Variants in SLCO3A1 observed in about 807,000 individuals in gnomAD.
The protein encoded by SLCO3A1 is solute carrier organic anion transporter family member 3A1, also known as PGE1 transporter.
In SLCO3A1, 27 loss-of-function variants were observed where a neutral mutation model predicts 63.1. The ratio of observed to expected loss-of-function variants is 0.43; its 90% confidence interval spans 0.32 to 0.59. The LOEUF is 0.59. Ranked by LOEUF, SLCO3A1 falls within the 20% of genes least tolerant of loss-of-function variation. The probability of loss-of-function intolerance (pLI) is 0.09; values close to 1 mark genes in which losing one functional copy is unlikely to be tolerated. For synonymous variants in SLCO3A1, 473 were observed against 409.9 expected, an observed-to-expected ratio of 1.15 and a Z score of -1.86; for missense variants, 773 against 945.8, an observed-to-expected ratio of 0.82 and a Z score of 2.40.
At chr15:92,069,825 G>A (rs905532083) in intron 2 of SLCO3A1, among the ~76,000 whole-genome samples, 3 of 152,202 alleles carry the variant, frequency 2.0e-5, no homozygotes, top group Non-Finnish European at 2.9e-5. Flanking sequence ...CTGTGGCTGA[G>A]AACCCACCCA....
intron 2 of SLCO3A1, among the ~76,000 whole-genome samples, chr15:92,025,730 ACT>A (rs1362229064): frequency 1.3e-5 from 2 of 151,950 alleles, no homozygotes; most frequent in Non-Finnish European, 2.9e-5. Context: ...ATGATCTGGG[ACT>A]CTCTTCTCAG....
At chr15:92,065,593 T>C (rs2047141089) in intron 2 of SLCO3A1, among the ~76,000 whole-genome samples, 1 of 152,106 alleles carries the variant, frequency 6.6e-6, no homozygotes, top group African/African-American at 2.4e-5. Flanking sequence ...TTCAGTAGAG[T>C]TGCCATAACT....
intron 7 of SLCO3A1, among the ~76,000 whole-genome samples, chr15:92,129,443 CCCT>C (rs745480454): frequency 1.3e-5 from 2 of 152,148 alleles, no homozygotes; most frequent in Non-Finnish European, 2.9e-5. Context: ...CTCCAATGTC[CCCT>C]CCTCTGAAAC....
Position 92,165,177 on chromosome 15 carries a change from G to T in SLCO3A1, c.*2042G>T. The T allele has an allele frequency of 1.0e-6, 1 of 985,370 alleles. No homozygotes were observed. The highest frequency in any genetic ancestry group is 1.2e-6 in the Non-Finnish European group (1 of 829,926). The allele number at this position is 985,370 out of a possible 1,614,324, so 61.0% of individuals were successfully genotyped here. ...AAAAGAAAAGCTGTGTCGTGGTATG[G>T]GGCCACCGTGATCAGCTACCTGGGG... On this transcript the variant is annotated 3_prime_UTR_variant, in exon 10 of 10. Transcript: ENST00000318445.
At chr15:91,861,182 G>A (rs1249297421) in intron 1 of SLCO3A1, among the ~76,000 whole-genome samples, 2 of 152,184 alleles carry the variant, frequency 1.3e-5, no homozygotes, top group Non-Finnish European at 2.9e-5. Context: ...CCCCAAAGCC[G>A]GGTCACTCTG....
chr15:92,022,602 C>A (rs2046524002), intron 2 of SLCO3A1, among the ~76,000 whole-genome samples: 2 of 152,164 alleles, frequency 1.3e-5, no homozygotes, highest in Admixed American at 1.3e-4. Context: ...TCGAATTCAC[C>A]CATCAGCTGT....
At chr15:92,100,224 T>C (rs1201669690) in intron 3 of SLCO3A1, among the ~76,000 whole-genome samples, 3 of 152,228 alleles carry the variant, frequency 2.0e-5, no homozygotes, top group Admixed American at 6.5e-5. Context: ...TTTGCTCTAC[T>C]CTGCAACCCT....
At chr15:92,129,271 C>A (rs939634874) in intron 7 of SLCO3A1, among the ~76,000 whole-genome samples, 1 of 152,150 alleles carries the variant, frequency 6.6e-6, no homozygotes, top group Non-Finnish European at 1.5e-5. Flanking sequence ...AGCAAATGAC[C>A]CTTTCTCATG....
At chr15:92,142,149 G>C (rs955401003) in intron 7 of SLCO3A1, among the ~76,000 whole-genome samples, 2 of 152,156 alleles carry the variant, frequency 1.3e-5, no homozygotes, top group African/African-American at 4.8e-5. Context: ...TTTCCTCTTG[G>C]ACACCAACAA....
At position 91,916,101 on chromosome 15, in the gene SLCO3A1, A is replaced by G; in HGVS notation, c.289A>G (p.Ser97Gly). Residue 97 changes from serine (S) to glycine (G), a missense_variant, in exon 2 of 10, where the codon AGC becomes GGC. By Grantham distance (56) the Ser-to-Gly change is moderately conservative (BLOSUM62 0). Coordinates refer to ENST00000318445, the MANE Select transcript of SLCO3A1 (RefSeq NM_013272.4). The surrounding 1 kb of genome is among the most constrained non-coding windows in gnomAD (Gnocchi z 6.2). ...GAACCTGGCGCTCATCCTCTTCGTG[A>G]GCTACTTCGGGGCACGCGGGCACCG... is the stretch of plus-strand genomic sequence containing the variant. ...IGNLALILFV[S>G]YFGARGHRPR... 1 of 1,612,192 alleles carries G rather than the reference A, an allele frequency of 6.2e-7. No individual in the cohort carries two copies. Among genetic ancestry groups the G allele is most frequent in the Non-Finnish European group, 8.5e-7 (1 of 1,179,738 alleles).
intron 5 of SLCO3A1, among the ~76,000 whole-genome samples, chr15:92,121,646 A>G (rs537663447): frequency 6.6e-6 from 1 of 152,304 alleles, no homozygotes; most frequent in Non-Finnish European, 1.5e-5. Flanking sequence ...ATGGTAGTTG[A>G]GGACATCGGA....
At chr15:91,973,368 C>G (rs1343579956) in intron 2 of SLCO3A1, among the ~76,000 whole-genome samples, 1 of 152,202 alleles carries the variant, frequency 6.6e-6, no homozygotes, top group Non-Finnish European at 1.5e-5. Flanking sequence ...AGGTTACCTG[C>G]ATTGTCAGAG....
intron 1 of SLCO3A1, among the ~76,000 whole-genome samples, chr15:91,880,155 A>G (rs996345490): frequency 1.4e-4 from 20 of 147,982 alleles, no homozygotes; most frequent in African/African-American, 4.7e-4. Flanking sequence ...CCATCCATCC[A>G]TCCATCCATC....
At position 91,916,432 on chromosome 15, in the gene SLCO3A1, G is replaced by A. The variant is rs534712973; in HGVS notation, c.620G>A (p.Arg207Gln). The change falls in exon 2 of 10, where the codon CGG becomes CAG. Residue 207 changes from arginine (R) to glutamine (Q), a missense_variant. Arg to Gln is a conservative substitution (Grantham distance 43, BLOSUM62 1). Coordinates refer to ENST00000318445, the MANE Select transcript of SLCO3A1 (RefSeq NM_013272.4). This position sits in a 1 kb window ranked among gnomAD's most constrained non-coding sequence, Gnocchi z 6.2. ...LGVSYIDDHV[R>Q]RKDSSLYIGI... ...GTCTCCTACATCGACGACCACGTGC[G>A]GAGGAAGGACTCCTCGCTCTATATA... 5.0e-6 allele frequency: 8 copies of A among 1,611,788 alleles called. No individual in the cohort carries two copies. The African/African-American group carries it at 5.3e-5, about 11-fold the overall frequency.
At chr15:91,974,478 G>T (rs773143664) in intron 2 of SLCO3A1, among the ~76,000 whole-genome samples, 2 of 152,084 alleles carry the variant, frequency 1.3e-5, no homozygotes, top group Admixed American at 6.6e-5. Context: ...GAGGGTGAAG[G>T]TTTCTGGGTG....
chr15:92,022,859 G>C (rs886343434), intron 2 of SLCO3A1, among the ~76,000 whole-genome samples: 1 of 152,182 alleles, frequency 6.6e-6, no homozygotes, highest in Non-Finnish European at 1.5e-5. Flanking sequence ...AAAAGGCAGG[G>C]GCACTGGGAA....
At chr15:92,000,982 ATC>A (rs1326678992) in intron 2 of SLCO3A1, among the ~76,000 whole-genome samples, 5 of 152,110 alleles carry the variant, frequency 3.3e-5, no homozygotes, top group Non-Finnish European at 7.4e-5. Flanking sequence ...AGCAAGGCTG[ATC>A]AGTCTGTCTA....
Position 92,165,188 on chromosome 15 carries a change from A to T in SLCO3A1, c.*2053A>T. 1 of 985,470 alleles carries T rather than the reference A, an allele frequency of 1.0e-6. No homozygotes were observed. Among genetic ancestry groups the T allele is most frequent in the South Asian group, 4.7e-5 (1 of 21,288 alleles). 61.0% of individuals were successfully genotyped at this position (985,470 alleles called of 1,614,324 possible). On this transcript the variant is annotated 3_prime_UTR_variant, in exon 10 of 10. Coordinates refer to ENST00000318445, the MANE Select transcript of SLCO3A1 (RefSeq NM_013272.4). ...TGTGTCGTGGTATGGGGCCACCGTG[A>T]TCAGCTACCTGGGGCAGGATGCTTC...
intron 1 of SLCO3A1, among the ~76,000 whole-genome samples, chr15:91,864,061 T>C (rs1413194763): frequency 1.3e-5 from 2 of 152,222 alleles, no homozygotes; most frequent in African/African-American, 2.4e-5. Context: ...GAGGTTCTCC[T>C]TGCTGCACTA....
Sources: gnomAD v4.1 joint callset for allele counts (sites outside exome capture counted in the v4.1 genomes callset) on GRCh38, gnomAD v4.1.1 for gene constraint, Gnocchi (gnomAD v3.1) non-coding constraint, MANE v1.5 for transcripts, NCBI Gene and HGNC (gene_info 2026-07-23, HGNC 2026-07-21) for gene names.